Variants in DNAAF11 observed in about 807,000 individuals in gnomAD.
The protein encoded by DNAAF11 is leucine rich repeat containing 6.
In DNAAF11, 45 loss-of-function variants were observed where a neutral mutation model predicts 60.8. That is an observed-to-expected ratio of 0.74 (90% CI 0.58 to 0.95). The LOEUF (loss-of-function observed/expected upper bound fraction) is 0.95. Ranked by LOEUF, DNAAF11 falls within the 40% of genes least tolerant of loss-of-function variation. The pLI is 0.00. For synonymous variants in DNAAF11, 191 were observed against 183.5 expected (o/e 1.04, Z -0.33); for missense variants, 546 against 546.2 (o/e 1.00, Z 0.00).
chr8:132,688,396 T>C, the DNAAF11 span, among the ~76,000 whole-genome samples: 89,365 of 152,030 alleles, frequency 0.59, 28,878 homozygotes, highest in African/African-American at 0.88. Context: ...GAAGGAGCTT[T>C]CCCTCTACTC....
chr8:132,609,787 C>T (rs1171325839), intron 10 of DNAAF11, among the ~76,000 whole-genome samples: 1 of 152,162 alleles, frequency 6.6e-6, no homozygotes, highest in Admixed American at 6.5e-5. Flanking sequence ...TATCTTGATA[C>T]AAGAAATGAA....
At chr8:132,654,417 G>A (rs1184453048) in intron 3 of DNAAF11, among the ~76,000 whole-genome samples, 4 of 151,866 alleles carry the variant, frequency 2.6e-5, no homozygotes, top group Admixed American at 2.6e-4. Context: ...AGAAACAAAA[G>A]GCTAGACCTA....
At position 132,648,850 on chromosome 8, in the gene DNAAF11, G is replaced by A. The variant is rs558516350; in HGVS notation, c.256+7980C>T. Among the ~76,000 whole-genome samples the A allele has an allele frequency of 2.3e-4, 35 of 152,236 alleles. No homozygotes were observed. The East Asian group carries it at 2.3e-3, about 10-fold the overall frequency. ...GGAGAACTACAAACCACTGCTCAAC[G>A]AAATAAAAGAGGACATAAACAAATG... On this transcript the variant is annotated intron_variant, in intron 3 of 11. Transcript: ENST00000620350.
chr8:132,663,631 G>A (rs1233738761), intron 1 of DNAAF11, among the ~76,000 whole-genome samples: 1 of 152,202 alleles, frequency 6.6e-6, no homozygotes, highest in Admixed American at 6.5e-5. Flanking sequence ...GGGGTGGATT[G>A]TTGGAGGCCT....
intron 7 of DNAAF11, among the ~76,000 whole-genome samples, 154 bp downstream of exon 7, chr8:132,622,457 T>C (rs1334534034): frequency 1.3e-5 from 2 of 152,194 alleles, no homozygotes; most frequent in Non-Finnish European, 2.9e-5. Flanking sequence ...TGCCTTTAAA[T>C]ATGCACCAAA....
At chr8:132,624,413 C>T (rs1251282354) in intron 6 of DNAAF11, among the ~76,000 whole-genome samples, 1 of 152,128 alleles carries the variant, frequency 6.6e-6, no homozygotes, top group Non-Finnish European at 1.5e-5. Flanking sequence ...ACTGTGTAGT[C>T]CCTTAGTGTG....
chr8:132,674,144 G>GAAGGAGGAGGAGGA (rs1825498220), intron 1 of DNAAF11, among the ~76,000 whole-genome samples: 3 of 128,408 alleles, frequency 2.3e-5, no homozygotes, highest in African/African-American at 5.8e-5. Context: ...AGAAGGAGGA[G>GAAGGAGGAGGAGGA]GAAGAGGAGG....
At chr8:132,689,024 A>G in the DNAAF11 span, among the ~76,000 whole-genome samples, 121 of 152,288 alleles carry the variant, frequency 7.9e-4, no homozygotes, top group African/African-American at 2.8e-3. Context: ...AAGATTTTGA[A>G]TCTGTCTCAG....
At position 132,625,445 on chromosome 8, in the gene DNAAF11, T is replaced by C; in HGVS notation, c.663A>G (p.Leu221=). Residue 221 remains leucine, a synonymous_variant, in exon 6 of 12, where the codon TTA becomes TTG. Coordinates refer to ENST00000620350, the MANE Select transcript of DNAAF11 (RefSeq NM_012472.6). Reference sequence around the variant, plus strand: ...GTGCCTGTAGGTGGTCTTTGCTCTCTAAAGAGGAACTAGGAAAAACAAATA... The same window carrying C: ...GTGCCTGTAGGTGGTCTTTGCTCTCCAAAGAGGAACTAGGAAAAACAAATA... The part of the protein sequence containing the change: ...YTDINATLSS[L]ESKDHLQAPD... The C allele has an allele frequency of 1.2e-6, 2 of 1,603,154 alleles. No homozygotes were observed. Among genetic ancestry groups the C allele is most frequent in the Middle Eastern group, 1.7e-4 (1 of 5,994 alleles).
chr8:132,592,266 T>G (rs75484498), intron 10 of DNAAF11, among the ~76,000 whole-genome samples: 3,999 of 152,286 alleles, frequency 0.026, 193 homozygotes, highest in African/African-American at 0.091. Flanking sequence ...TAAACGCAGC[T>G]TGCTGTAGGA....
chr8:132,680,800 C>T, the DNAAF11 span, among the ~76,000 whole-genome samples: 1 of 151,240 alleles, frequency 6.6e-6, no homozygotes. Flanking sequence ...TTATTTCCAT[C>T]AGCATGTATT....
At chr8:132,655,568 C>T (rs911178653) in intron 3 of DNAAF11, among the ~76,000 whole-genome samples, 1 of 152,060 alleles carries the variant, frequency 6.6e-6, no homozygotes, top group Non-Finnish European at 1.5e-5. Flanking sequence ...ATTATCTGAT[C>T]GAAGTCTAGC....
chr8:132,694,996 A>G, the DNAAF11 span, among the ~76,000 whole-genome samples: 2 of 152,192 alleles, frequency 1.3e-5, no homozygotes, highest in Admixed American at 6.5e-5. Context: ...AAAGTGCTTT[A>G]AGAAGGAGGG....
At chr8:132,681,003 C>CTTTTTT in the DNAAF11 span, among the ~76,000 whole-genome samples, 11,850 of 52,022 alleles carry the variant, frequency 0.23, 3,808 homozygotes, top group East Asian at 0.38. Flanking sequence ...ATAACTATTC[C>CTTTTTT]TTTTTTTTTT....
chr8:132,591,674 CTAAAATG>C (rs1375000629), intron 10 of DNAAF11, among the ~76,000 whole-genome samples: 5 of 152,008 alleles, frequency 3.3e-5, no homozygotes, highest in Non-Finnish European at 7.4e-5. Context: ...TTATACCTCA[CTAAAATG>C]TAAACTCCAT....
At chr8:132,579,500 G>A (rs182829029) in intron 11 of DNAAF11, among the ~76,000 whole-genome samples, 19 of 152,264 alleles carry the variant, frequency 1.2e-4, no homozygotes, top group South Asian at 2.1e-4. Flanking sequence ...GGGTTAAAGC[G>A]TTGAAGGATG....
intron 11 of DNAAF11, among the ~76,000 whole-genome samples, chr8:132,578,939 C>T (rs1244495535): frequency 2.0e-5 from 3 of 152,212 alleles, no homozygotes; most frequent in Non-Finnish European, 4.4e-5. Flanking sequence ...ACACCCTCTC[C>T]ATAATAAGGG....
intron 7 of DNAAF11, among the ~76,000 whole-genome samples, chr8:132,617,904 T>C (rs1819340108): frequency 6.7e-6 from 1 of 149,604 alleles, no homozygotes; most frequent in Non-Finnish European, 1.5e-5. Flanking sequence ...GCCATCCCCA[T>C]CAAGCTACCA....
chr8:132,702,901 T>A, the DNAAF11 span, among the ~76,000 whole-genome samples: 1 of 152,084 alleles, frequency 6.6e-6, no homozygotes, highest in Non-Finnish European at 1.5e-5. Context: ...CAAGGAAGAT[T>A]AGGAAGGCGG....
Sources: gnomAD v4.1 joint callset for allele counts (sites outside exome capture counted in the v4.1 genomes callset) on GRCh38, gnomAD v4.1.1 for gene constraint, MANE v1.5 for transcripts, NCBI Gene and HGNC (gene_info 2026-07-23, HGNC 2026-07-21) for gene names.